Variants in PIAS1 observed in about 807,000 individuals in gnomAD.
PIAS1 encodes protein inhibitor of activated STAT 1.
In PIAS1, 6 loss-of-function variants were observed where a neutral mutation model predicts 71.3. The observed-to-expected ratio is 0.08, with a 90% CI of 0.05 to 0.17. PIAS1 has a LOEUF of 0.17. PIAS1 is among the 10% of genes least tolerant of loss of function. The pLI is 1.00. For synonymous variants in PIAS1, 303 were observed against 292.9 expected (o/e 1.03, Z -0.35); for missense variants, 555 against 793.6 (o/e 0.70, Z 3.61).
chr15:68,144,209 C>T (rs1044805592), intron 4 of PIAS1, among the ~76,000 whole-genome samples: 4 of 151,760 alleles, frequency 2.6e-5, no homozygotes, highest in Non-Finnish European at 4.4e-5. Context: ...CATCTCTCTC[C>T]CTGCCCCACG....
At chr15:68,094,983 A>G (rs994587359) in intron 2 of PIAS1, among the ~76,000 whole-genome samples, 1 of 152,174 alleles carries the variant, frequency 6.6e-6, no homozygotes, top group African/African-American at 2.4e-5. Flanking sequence ...GGCATCCAGT[A>G]TTTTTGATAA....
chr15:68,069,658 C>T (rs545139323), intron 1 of PIAS1, among the ~76,000 whole-genome samples: 9 of 152,006 alleles, frequency 5.9e-5, no homozygotes, highest in African/African-American at 1.2e-4. Flanking sequence ...AAAAATTAGC[C>T]GGGCGTGGTG....
intron 1 of PIAS1, among the ~76,000 whole-genome samples, chr15:68,074,990 G>A (rs1597134521): frequency 7.1e-6 from 1 of 141,112 alleles, no homozygotes; most frequent in South Asian, 2.3e-4. Flanking sequence ...TGTGTAATAT[G>A]TTTTCATGAG....
Position 68,054,409 on chromosome 15 carries a change from C to A in PIAS1, c.24+59C>A. ...GGCCGCGGAGACGGCGCCGCTGCTG[C>A]CAGGGGGGATGGGTCCGACCCTGGG... On this transcript the variant is annotated intron_variant, in intron 1 of 13. Coordinates refer to ENST00000249636, the MANE Select transcript of PIAS1 (RefSeq NM_016166.3). The surrounding 1 kb of genome is among the most constrained non-coding windows in gnomAD (Gnocchi z 4.6). 2.0e-6 allele frequency: 3 copies of A among 1,533,320 alleles called. No individual in the cohort carries two copies. The highest frequency in any genetic ancestry group is 1.4e-5 in the African/African-American group (1 of 72,488). The allele number at this position is 1,533,320 out of a possible 1,614,324, so 95.0% of individuals were successfully genotyped here. A position where few individuals can be genotyped will look rare whatever the true frequency, so the allele number is the denominator to read the frequency against.
At chr15:68,183,139 C>A (rs2093066357) in intron 12 of PIAS1, among the ~76,000 whole-genome samples, 1 of 152,230 alleles carries the variant, frequency 6.6e-6, no homozygotes, top group Non-Finnish European at 1.5e-5. Flanking sequence ...CCACTGCAGT[C>A]TGTCAGTTGA....
intron 2 of PIAS1, among the ~76,000 whole-genome samples, chr15:68,125,054 T>C (rs545082099): frequency 1.3e-5 from 2 of 152,350 alleles, no homozygotes; most frequent in South Asian, 4.1e-4. Context: ...ATTTATACTT[T>C]ATTATGACTA....
chr15:68,188,985 T>TA lies in PIAS1; in HGVS notation c.*1153dup, dbSNP rs2093105425. Reference sequence around the variant, plus strand: ...ATTTTTGTAGAAGTCTACTATTTGATAAACAGTTGAAATTCAAGATGTGTT... The same window carrying TA: ...ATTTTTGTAGAAGTCTACTATTTGATAAAACAGTTGAAATTCAAGATGTGTT... On this transcript the variant is annotated 3_prime_UTR_variant, in exon 14 of 14. Transcript: ENST00000249636. The TA allele has an allele frequency of 6.6e-6, 1 of 152,262 alleles. No individual in the cohort carries two copies. Among genetic ancestry groups the TA allele is most frequent in the African/African-American group, 2.4e-5 (1 of 41,476 alleles). The allele number at this position is 152,262 out of a possible 1,614,324, so 9.4% of individuals were successfully genotyped here. A position where few individuals can be genotyped will look rare whatever the true frequency, so the allele number is the denominator to read the frequency against.
intron 7 of PIAS1, among the ~76,000 whole-genome samples, chr15:68,155,454 A>AAAAAAC (rs1400274013): frequency 3.3e-5 from 5 of 150,614 alleles, no homozygotes; most frequent in Non-Finnish European, 4.4e-5. Context: ...GCCTGTAAAA[A>AAAAAAC]AAAAAAAAAA....
At chr15:68,182,969 C>T (rs2093064896) in intron 12 of PIAS1, among the ~76,000 whole-genome samples, 1 of 152,168 alleles carries the variant, frequency 6.6e-6, no homozygotes, top group African/African-American at 2.4e-5. Flanking sequence ...CATGCTTGTT[C>T]ACTTGCTCTT....
intron 7 of PIAS1, among the ~76,000 whole-genome samples, chr15:68,161,320 A>G (rs2092922564): frequency 6.6e-6 from 1 of 152,228 alleles, no homozygotes; most frequent in Admixed American, 6.5e-5. Context: ...AAACGGAGAG[A>G]TATATCTTGC....
chr15:68,065,444 A>C (rs1412371546), intron 1 of PIAS1, among the ~76,000 whole-genome samples: 2 of 152,034 alleles, frequency 1.3e-5, no homozygotes, highest in Non-Finnish European at 2.9e-5. Flanking sequence ...ACAAAAAATT[A>C]GCTGGGCATG....
intron 2 of PIAS1, among the ~76,000 whole-genome samples, chr15:68,128,328 A>G (rs929832582): frequency 2.0e-5 from 3 of 152,116 alleles, no homozygotes; most frequent in African/African-American, 7.2e-5. Flanking sequence ...CACGACGACC[A>G]GCTAATTTTT....
Position 68,171,978 on chromosome 15 carries a change from C to T in PIAS1, c.1009-1754C>T, listed in dbSNP as rs767908748. On this transcript the variant is annotated intron_variant, in intron 8 of 13. Transcript: ENST00000249636. The surrounding 1 kb of genome is among the most constrained non-coding windows in gnomAD (Gnocchi z 4.4). ...TTCTATGGTACATGTGCACAACGTG[C>T]AGGTATACATGTGCCATATTGGTTT... Among the ~76,000 whole-genome samples the T allele has an allele frequency of 9.2e-5, 14 of 151,814 alleles. No individual in the cohort carries two copies. Among genetic ancestry groups the T allele is most frequent in the Non-Finnish European group, 1.6e-4 (11 of 67,962 alleles).
Position 68,173,672 on chromosome 15 carries a change from G to T in PIAS1, c.1009-60G>T. 1 of 1,300,448 alleles carries T rather than the reference G, an allele frequency of 7.7e-7. No individual in the cohort carries two copies. The highest frequency in any genetic ancestry group is 1.0e-6 in the Non-Finnish European group (1 of 975,436). 80.6% of individuals were successfully genotyped at this position (1,300,448 alleles called of 1,614,324 possible). A position where few individuals can be genotyped will look rare whatever the true frequency, so the allele number is the denominator to read the frequency against. ...ACCTGTTGTGTTCTAGGAAATTTTT[G>T]TCAAAGCTTAAATGTTGAATAGCAA... On this transcript the variant is annotated intron_variant, in intron 8 of 13. Coordinates refer to ENST00000249636, the MANE Select transcript of PIAS1 (RefSeq NM_016166.3). The surrounding 1 kb of genome is among the most constrained non-coding windows in gnomAD (Gnocchi z 4.3).
chr15:68,061,414 G>T (rs1476991886), intron 1 of PIAS1: 1 of 152,170 alleles, frequency 6.6e-6, no homozygotes, highest in Non-Finnish European at 1.5e-5. Flanking sequence ...CACATGAAAA[G>T]AAAATTCCCT....
At chr15:68,110,213 A>G (rs573011107) in intron 2 of PIAS1, among the ~76,000 whole-genome samples, 20 of 152,312 alleles carry the variant, frequency 1.3e-4, no homozygotes, top group African/African-American at 4.6e-4. Context: ...AAAACAAAAG[A>G]ATACTTTTCA....
chr15:68,140,046 A>G (rs916966710), intron 2 of PIAS1, among the ~76,000 whole-genome samples: 1 of 152,234 alleles, frequency 6.6e-6, no homozygotes, highest in African/African-American at 2.4e-5. Flanking sequence ...AAAGTGTGAA[A>G]GGTGCTATTC....
chr15:68,118,552 A>G (rs559617947), intron 2 of PIAS1, among the ~76,000 whole-genome samples: 80 of 148,188 alleles, frequency 5.4e-4, no homozygotes, highest in African/African-American at 2.0e-3. Context: ...ATGTTCTGCA[A>G]GCTGGTCTCT....
At chr15:68,124,995 T>C (rs1007875999) in intron 2 of PIAS1, among the ~76,000 whole-genome samples, 1 of 152,244 alleles carries the variant, frequency 6.6e-6, no homozygotes, top group African/African-American at 2.4e-5. Context: ...CCGTATAATC[T>C]GTTTGTCGCC....
Sources: allele counts gnomAD v4.1 joint callset (sites outside exome capture counted in the v4.1 genomes callset), GRCh38; gene constraint gnomAD v4.1.1; non-coding constraint Gnocchi (gnomAD v3.1); transcripts MANE v1.5; gene names NCBI Gene and HGNC (gene_info 2026-07-23, HGNC 2026-07-21).